The following IL36G variants were observed in gnomAD, a reference collection of about 807,000 sequenced individuals.
IL36G encodes the protein interleukin 36 gamma.
A neutral mutation model predicts 13.5 loss-of-function variants in IL36G; 10 were observed. The ratio of observed to expected loss-of-function variants is 0.74; its 90% CI spans 0.46 to 1.26. The LOEUF (loss-of-function observed/expected upper bound fraction) is 1.26, where lower values mean the gene tolerates loss of function less well. Among genes scored for constraint, IL36G ranks in the 50% most tolerant of loss-of-function variants. The probability of loss-of-function intolerance (pLI) is 0.00; values close to 1 mark genes in which losing one functional copy is unlikely to be tolerated. For missense variants in IL36G, 199 were observed against 203.0 expected (o/e 0.98, Z 0.12); for synonymous variants, 84 against 74.0 (o/e 1.13, Z -0.69).
chr2:112,979,004 G>A (rs990267796), intron 2 of IL36G, among the ~76,000 whole-genome samples: 7 of 152,216 alleles, frequency 4.6e-5, no homozygotes, highest in African/African-American at 1.7e-4. Flanking sequence ...TCTTAAACCA[G>A]TGACTTCCCT....
intron 4 of IL36G, among the ~76,000 whole-genome samples, chr2:112,983,017 C>T (rs1056088432): frequency 6.6e-6 from 1 of 152,090 alleles, no homozygotes; most frequent in Non-Finnish European, 1.5e-5. Flanking sequence ...GAAGAGCAAG[C>T]AAAATTGATG....
intron 3 of IL36G, among the ~76,000 whole-genome samples, chr2:112,979,674 G>T (rs1367914094): frequency 6.6e-6 from 1 of 152,176 alleles, no homozygotes; most frequent in Non-Finnish European, 1.5e-5. Context: ...GGAAAAACTT[G>T]CAAAAGGGAC....
intron 3 of IL36G, among the ~76,000 whole-genome samples, 174 bp from the exon 4 acceptor site, chr2:112,979,835 G>C (rs878984448): frequency 6.8e-6 from 1 of 148,092 alleles, no homozygotes; most frequent in African/African-American, 2.4e-5. Flanking sequence ...TTGGCACATG[G>C]TATGAATGAA....
chr2:112,980,170 T>A, intron 4 of IL36G, 22 bp downstream of exon 4: 1 of 1,601,936 alleles, frequency 6.2e-7, no homozygotes, highest in Non-Finnish European at 8.5e-7. Context: ...AGAAAAATAT[T>A]TAAAAAGCCT....
At chr2:112,981,760 C>A (rs1229516406) in intron 4 of IL36G, among the ~76,000 whole-genome samples, 2 of 152,196 alleles carry the variant, frequency 1.3e-5, no homozygotes, top group Non-Finnish European at 2.9e-5. Flanking sequence ...GCTCTGCCAG[C>A]TCATGGTTAC....
In IL36G at chr2:112,980,001, C is replaced by T; in HGVS notation, c.161-8C>T. ...AAACTGATACCATCTCTCCTCTTAT[C>T]TTTACAGTCACTGTTGCTGTTATCA... On this transcript the variant is annotated splice_polypyrimidine_tract_variant and splice_region_variant and intron_variant, in intron 3 of 4. Coordinates refer to ENST00000259205, the MANE Select transcript of IL36G (RefSeq NM_019618.4). The T allele has an allele frequency of 6.2e-7, 1 of 1,611,672 alleles. No individual in the cohort carries two copies. The highest frequency in any genetic ancestry group is 8.5e-7 in the Non-Finnish European group (1 of 1,179,198).
rs1240847509 is a variant in IL36G at position 112,985,399 on chromosome 2, C to T, written c.*350C>T. ...CTTCAGAGCTCATGCGCGTTACCCA[C>T]GATGGCATGACTAGCACAGAGCTGA... On this transcript the variant is annotated 3_prime_UTR_variant, in exon 5 of 5. Coordinates refer to ENST00000259205, the MANE Select transcript of IL36G (RefSeq NM_019618.4). 1.6e-5 allele frequency: 4 copies of T among 256,910 alleles called. No homozygotes were observed. The highest frequency in any genetic ancestry group is 2.3e-5 in the Non-Finnish European group (3 of 132,458). The allele number at this position is 256,910 out of a possible 1,614,324, so 15.9% of individuals were successfully genotyped here. A position where few individuals can be genotyped will look rare whatever the true frequency, so the allele number is the denominator to read the frequency against.
At chr2:112,980,426 C>T (rs141477884) in intron 4 of IL36G, among the ~76,000 whole-genome samples, 1,862 of 152,068 alleles carry the variant, frequency 0.012, 49 homozygotes, top group African/African-American at 0.042. Context: ...AGGATATGGG[C>T]AGACAATTGT....
At position 112,981,027 on chromosome 2, in the gene IL36G, A is replaced by C. The variant is rs896117665; in HGVS notation, c.300+879A>C. Reference sequence around the variant, plus strand: ...CCCCTTCCCCTAAAAACAACAATGAAGTGTTCTGGGTGCTAACAACATAGC... The same window carrying C: ...CCCCTTCCCCTAAAAACAACAATGACGTGTTCTGGGTGCTAACAACATAGC... On this transcript the variant is annotated intron_variant, in intron 4 of 4. Transcript: ENST00000259205. 7 of 602,274 alleles carry C rather than the reference A, an allele frequency of 1.2e-5. No individual in the cohort carries two copies. The African/African-American group carries it at 1.3e-4, about 11-fold the overall frequency. 37.3% of individuals were successfully genotyped at this position (602,274 alleles called of 1,614,324 possible).
chr2:112,982,081 A>G (rs1684273669), intron 4 of IL36G, among the ~76,000 whole-genome samples: 2 of 152,246 alleles, frequency 1.3e-5, no homozygotes, highest in Admixed American at 6.5e-5. Flanking sequence ...ATGGCAAACA[A>G]TAAATGTAAT....
At chr2:112,979,416 G>A in intron 3 of IL36G, 91 bp downstream of exon 3, 1 of 739,070 alleles carries the variant, frequency 1.4e-6, no homozygotes, top group Admixed American at 2.2e-5. Flanking sequence ...ACTTTACAAT[G>A]GGGCCCACCA....
chr2:112,982,195 G>A (rs1191865038), intron 4 of IL36G, among the ~76,000 whole-genome samples: 7 of 152,224 alleles, frequency 4.6e-5, no homozygotes, highest in Admixed American at 1.3e-4. Flanking sequence ...CACAGGCGGC[G>A]TCAGGCTGCA....
At chr2:112,982,200 G>A (rs781126646) in intron 4 of IL36G, among the ~76,000 whole-genome samples, 12 of 152,208 alleles carry the variant, frequency 7.9e-5, no homozygotes, top group Non-Finnish European at 1.5e-4. Context: ...GCGGCGTCAG[G>A]CTGCAGTGGT....
intron 4 of IL36G, among the ~76,000 whole-genome samples, chr2:112,981,732 G>A (rs1057511235): frequency 5.9e-5 from 9 of 152,060 alleles, no homozygotes; most frequent in African/African-American, 1.7e-4. Context: ...TGTTGCATCT[G>A]GAAGAATTTC....
rs1228390005 is a variant in IL36G, at chr2:112,980,125, G to T, written c.277G>T (p.Glu93Ter). ...EMCLYCEKVGEQPTLQLKEQK... is the reference protein window; with the variant it reads ...EMCLYCEKVG The stretch of plus-strand genomic sequence containing the variant: ...GTGTTTGTATTGTGAGAAGGTTGGA[G>T]AACAGCCCACATTGCAGCTAAAAGT... The change falls in exon 4 of 5, where the codon GAA (glutamate) becomes TAA (stop). Residue 93 changes from glutamate to a stop codon, truncating the protein, a stop_gained. Coordinates refer to ENST00000259205, the MANE Select transcript of IL36G (RefSeq NM_019618.4). LOFTEE classifies it low-confidence loss of function (END_TRUNC). 1 of 1,613,992 alleles carries T rather than the reference G, an allele frequency of 6.2e-7. No homozygotes were observed. The highest frequency in any genetic ancestry group is 1.3e-5 in the African/African-American group (1 of 75,048).
At position 112,985,334 on chromosome 2, in the gene IL36G, C is replaced by A; in HGVS notation, c.*285C>A. ...CATGAGTGACTTTAAGACTCAAAGA[C>A]CAAACACTGAGCTTTCTTCTAGGGG... On this transcript the variant is annotated 3_prime_UTR_variant, in exon 5 of 5. Transcript: ENST00000259205. 2.7e-6 allele frequency: 1 copy of A among 373,724 alleles called. No individual in the cohort carries two copies. The highest frequency in any genetic ancestry group is 4.3e-5 in the Admixed American group (1 of 23,172). The allele number at this position is 373,724 out of a possible 1,614,324, so 23.2% of individuals were successfully genotyped here. A position where few individuals can be genotyped will look rare whatever the true frequency, so the allele number is the denominator to read the frequency against.
At chr2:112,979,365 C>A in intron 3 of IL36G, 40 bp downstream of exon 3, 1 of 1,204,446 alleles carries the variant, frequency 8.3e-7, no homozygotes. Flanking sequence ...GTTTGCACTG[C>A]TGTGGCTGGG....
intron 4 of IL36G, among the ~76,000 whole-genome samples, chr2:112,982,317 T>C (rs1420664270): frequency 5.3e-5 from 8 of 152,128 alleles, no homozygotes; most frequent in African/African-American, 1.9e-4. Context: ...CCAGGACCAG[T>C]GAGGACCGGT....
chr2:112,984,314 C>T (rs904098477), intron 4 of IL36G, among the ~76,000 whole-genome samples: 1 of 152,108 alleles, frequency 6.6e-6, no homozygotes, highest in African/African-American at 2.4e-5. Context: ...TTTTTGATTG[C>T]TCTATTTACC....
Sources: allele counts gnomAD v4.1 joint callset (sites outside exome capture counted in the v4.1 genomes callset), GRCh38; gene constraint gnomAD v4.1.1; transcripts MANE v1.5; gene names NCBI Gene and HGNC (gene_info 2026-07-23, HGNC 2026-07-21).